DNAH7: variants seen among roughly 807,000 people sequenced by gnomAD.
DNAH7 encodes dynein axonemal heavy chain 7.
DNAH7 carries 397 observed loss-of-function variants against 444.6 expected under a neutral mutation model. That is an observed-to-expected ratio of 0.89 (90% CI 0.82 to 0.97). DNAH7 has a LOEUF of 0.97. DNAH7 is among the 50% of genes least tolerant of loss of function. DNAH7 has a pLI of 0.00. For missense variants in DNAH7, 4,902 were observed against 4,800.8 expected, an observed-to-expected ratio of 1.02 and a Z score of -0.62; for synonymous variants, 1,636 against 1,624.4, an observed-to-expected ratio of 1.01 and a Z score of -0.17.
chr2:195,936,921 G>C (rs1338973437), intron 19 of DNAH7, 129 bp from the exon 20 acceptor site: 1 of 801,630 alleles, frequency 1.2e-6, no homozygotes, highest in Admixed American at 3.7e-5. Flanking sequence ...GGGAGTATTT[G>C]TTTTTTAAAA....
At chr2:196,030,288 A>G (rs867576327) in intron 5 of DNAH7, among the ~76,000 whole-genome samples, 3 of 152,198 alleles carry the variant, frequency 2.0e-5, no homozygotes. Flanking sequence ...TATCATAGGA[A>G]TAATATGGGA....
intron 21 of DNAH7, 53 bp downstream of exon 21, chr2:195,934,537 AT>A (rs1351471278): frequency 1.3e-6 from 2 of 1,524,852 alleles, no homozygotes; most frequent in Non-Finnish European, 1.8e-6. Context: ...AATATTTCTA[AT>A]AACATTCATA....
At chr2:195,787,419 G>A (rs576329834) in intron 57 of DNAH7, among the ~76,000 whole-genome samples, 1 of 152,240 alleles carries the variant, frequency 6.6e-6, no homozygotes, top group South Asian at 2.1e-4. Flanking sequence ...GGAAGCATGG[G>A]AGGCTCATCT....
intron 47 of DNAH7, among the ~76,000 whole-genome samples, chr2:195,838,165 C>T (rs1363348199): frequency 6.6e-6 from 1 of 152,090 alleles, no homozygotes; most frequent in Non-Finnish European, 1.5e-5. Flanking sequence ...ACTGACATTG[C>T]AACATCACCC....
At chr2:195,784,356 G>A (rs1056773056) in intron 58 of DNAH7, among the ~76,000 whole-genome samples, 3 of 151,936 alleles carry the variant, frequency 2.0e-5, no homozygotes, top group Non-Finnish European at 2.9e-5. Context: ...CACAGACTAC[G>A]CAGGCTTTTT....
intron 5 of DNAH7, among the ~76,000 whole-genome samples, chr2:196,030,864 A>G (rs1197201538): frequency 1.3e-5 from 2 of 152,136 alleles, no homozygotes; most frequent in Admixed American, 1.3e-4. Context: ...GCTTTCACAG[A>G]CTGGTGTTGA....
intron 24 of DNAH7, among the ~76,000 whole-genome samples, chr2:195,912,730 C>T (rs922284710): frequency 4.6e-5 from 7 of 152,222 alleles, no homozygotes; most frequent in Admixed American, 1.3e-4. Flanking sequence ...ATAGTTGTCA[C>T]ACAAGACACT....
intron 58 of DNAH7, among the ~76,000 whole-genome samples, chr2:195,778,635 A>AT (rs1695199586): frequency 2.1e-5 from 1 of 47,722 alleles, no homozygotes; most frequent in African/African-American, 9.4e-5. Flanking sequence ...AAAAAAAATA[A>AT]ATAAATAAAT....
intron 10 of DNAH7, among the ~76,000 whole-genome samples, chr2:196,005,275 AAAAC>A (rs757539066): frequency 0.066 from 9,790 of 148,980 alleles, 420 homozygotes; most frequent in African/African-American, 0.12. Context: ...CTCCATCTCC[AAAAC>A]AAACAAACAA....
Position 195,960,163 on chromosome 2 carries a change from A to C in DNAH7, c.2891+97T>G, listed in dbSNP as rs1690984363. 7 of 991,422 alleles carry C rather than the reference A, an allele frequency of 7.1e-6. No individual in the cohort carries two copies. In the South Asian group the frequency reaches 1.2e-4, roughly 18 times the overall value. 61.4% of individuals were successfully genotyped at this position (991,422 alleles called of 1,614,324 possible). ...AAAAGAAATAAAATATTAAGTATGA[A>C]ATATTATGTGTGAAATAATTCTCAA... On this transcript the variant is annotated intron_variant, in intron 18 of 64. Coordinates refer to ENST00000312428, the MANE Select transcript of DNAH7 (RefSeq NM_018897.3).
intron 10 of DNAH7, among the ~76,000 whole-genome samples, chr2:196,005,303 CA>C (rs969143318): frequency 7.1e-5 from 10 of 140,756 alleles, no homozygotes; most frequent in African/African-American, 2.9e-4. Flanking sequence ...AACAAACAAA[CA>C]AAAATATATA....
intron 48 of DNAH7, among the ~76,000 whole-genome samples, chr2:195,832,445 T>TTTC (rs1553530404): frequency 2.1e-5 from 3 of 141,766 alleles, no homozygotes; most frequent in Non-Finnish European, 4.6e-5. Flanking sequence ...TCTTTCTTTC[T>TTTC]TTTTTTTTTT....
chr2:196,040,844 TTAG>T (rs1696697046), intron 5 of DNAH7, among the ~76,000 whole-genome samples: 1 of 152,090 alleles, frequency 6.6e-6, no homozygotes, highest in South Asian at 2.1e-4. Flanking sequence ...CCAAAAATTG[TTAG>T]AACTGATAAA....
At position 195,999,099 on chromosome 2, in the gene DNAH7, G is replaced by A. The variant is rs1693882877; in HGVS notation, c.1353+1605C>T. 5.6e-6 allele frequency: 4 copies of A among 717,140 alleles called. No homozygotes were observed. The East Asian group carries it at 1.1e-4, about 19-fold the overall frequency. The allele number at this position is 717,140 out of a possible 1,614,324, so 44.4% of individuals were successfully genotyped here. ...CGAGCAAAGTTGGAAGTCATAATTG[G>A]CATCTCCATGTAAAGCCAAGAACAC... On this transcript the variant is annotated intron_variant, in intron 12 of 64. Transcript: ENST00000312428.
chr2:196,025,377 C>T (rs1158006443), intron 7 of DNAH7, among the ~76,000 whole-genome samples: 1 of 152,130 alleles, frequency 6.6e-6, no homozygotes. Context: ...ATATGTATTA[C>T]CCCCTTCCCT....
chr2:195,858,522 C>G lies in DNAH7; in HGVS notation c.8019G>C (p.Leu2673Phe). Residue 2673 changes from leucine (L) to phenylalanine (F), a missense_variant, in exon 43 of 65, where the codon TTG (leucine) becomes TTC (phenylalanine). By Grantham distance (22) the Leu-to-Phe change is conservative (BLOSUM62 0). Coordinates refer to ENST00000312428, the MANE Select transcript of DNAH7 (RefSeq NM_018897.3). ...CGGCCAGTGCTGACTCTAATATTGGCAAGGCACCTGCCAGGTCAGCATCGC... is the reference window on the plus strand; with the variant it reads ...CGGCCAGTGCTGACTCTAATATTGGGAAGGCACCTGCCAGGTCAGCATCGC... ...DECDADLAGA[L>F]PILESALAAL... The G allele has an allele frequency of 6.2e-7, 1 of 1,613,142 alleles. No homozygotes were observed. Among genetic ancestry groups the G allele is most frequent in the Non-Finnish European group, 8.5e-7 (1 of 1,179,660 alleles).
chr2:195,958,297 T>G (rs1690836416), intron 18 of DNAH7, among the ~76,000 whole-genome samples: 1 of 152,214 alleles, frequency 6.6e-6, no homozygotes, highest in African/African-American at 2.4e-5. Context: ...CCACTGGCAC[T>G]TAATGAATAG....
chr2:195,819,411 A>G (rs916622390), intron 49 of DNAH7, among the ~76,000 whole-genome samples: 3 of 152,202 alleles, frequency 2.0e-5, no homozygotes, highest in African/African-American at 7.2e-5. Flanking sequence ...TTATTGAATG[A>G]ACAATCAGAA....
intron 17 of DNAH7, among the ~76,000 whole-genome samples, chr2:195,969,688 C>T (rs1691713280): frequency 6.6e-6 from 1 of 152,020 alleles, no homozygotes; most frequent in African/African-American, 2.4e-5. Flanking sequence ...TTAAATGATG[C>T]AAAGCAAAGT....
Sources: allele counts gnomAD v4.1 joint callset (sites outside exome capture counted in the v4.1 genomes callset), GRCh38; gene constraint gnomAD v4.1.1; transcripts MANE v1.5; gene names NCBI Gene and HGNC (gene_info 2026-07-23, HGNC 2026-07-21).